NKAIN2: variants seen among roughly 807,000 people sequenced by gnomAD.
NKAIN2 encodes the protein sodium/potassium transporting ATPase interacting 2.
Under a neutral mutation model 32.6 loss-of-function variants are expected in NKAIN2, and 14 were observed. The ratio of observed to expected loss-of-function variants is 0.43; its 90% confidence interval spans 0.28 to 0.67. The LOEUF (loss-of-function observed/expected upper bound fraction) is 0.67, where lower values mean the gene tolerates loss of function less well. NKAIN2 is among the 30% of genes least tolerant of loss of function. The pLI, the probability that NKAIN2 is intolerant of heterozygous loss-of-function variation, is 0.17. For synonymous variants in NKAIN2, 80 were observed against 87.2 expected, an observed-to-expected ratio of 0.92 and a Z score of 0.46; for missense variants, 198 against 258.3, an observed-to-expected ratio of 0.77 and a Z score of 1.60.
Position 123,804,263 on chromosome 6 carries a change from C to T in NKAIN2, c.54+9C>T. On this transcript the variant is annotated intron_variant, in intron 1 of 6. Transcript: ENST00000368417. Reference sequence around the variant, plus strand: ...TCTGTGGCATGCAACTGGTAAGTGACACTTGGGTCCCCTTATTCTGTAATG... The same window carrying T: ...TCTGTGGCATGCAACTGGTAAGTGATACTTGGGTCCCCTTATTCTGTAATG... 6.2e-7 allele frequency: 1 copy of T among 1,610,436 alleles called. No homozygotes were observed. The highest frequency in any genetic ancestry group is 2.2e-5 in the East Asian group (1 of 44,830).
At chr6:124,327,260 T>A (rs1797454001) in intron 2 of NKAIN2, among the ~76,000 whole-genome samples, 1 of 152,146 alleles carries the variant, frequency 6.6e-6, no homozygotes, top group Admixed American at 6.5e-5. Flanking sequence ...CATAGCTACA[T>A]CTCAAGTGTG....
chr6:124,725,269 T>C (rs1432174188), intron 4 of NKAIN2, among the ~76,000 whole-genome samples: 1 of 152,104 alleles, frequency 6.6e-6, no homozygotes, highest in African/African-American at 2.4e-5. Context: ...AAATGGGGTC[T>C]CATTTGTCAC....
chr6:124,410,346 C>G (rs1774101291), intron 3 of NKAIN2, among the ~76,000 whole-genome samples: 3 of 152,278 alleles, frequency 2.0e-5, no homozygotes, highest in Admixed American at 2.0e-4. Flanking sequence ...TAAAATTTCC[C>G]TCTACACACT....
chr6:124,654,071 A>T (rs1784455895), intron 3 of NKAIN2, among the ~76,000 whole-genome samples: 1 of 152,180 alleles, frequency 6.6e-6, no homozygotes, highest in Non-Finnish European at 1.5e-5. Context: ...TAAAAATGTT[A>T]CTTCACACAT....
At chr6:124,799,394 C>T (rs778613511) in intron 5 of NKAIN2, among the ~76,000 whole-genome samples, 6 of 152,154 alleles carry the variant, frequency 3.9e-5, no homozygotes, top group Non-Finnish European at 8.8e-5. Flanking sequence ...GATTCTTCAA[C>T]ATTCACTTCT....
intron 4 of NKAIN2, among the ~76,000 whole-genome samples, chr6:124,770,146 C>T (rs143077160): frequency 2.6e-4 from 40 of 152,252 alleles, no homozygotes; most frequent in Non-Finnish European, 4.4e-4. Context: ...AAAACATTAA[C>T]AAACTAAACA....
At chr6:123,907,580 A>G (rs1022254648) in intron 1 of NKAIN2, among the ~76,000 whole-genome samples, 6 of 152,150 alleles carry the variant, frequency 3.9e-5, no homozygotes, top group Non-Finnish European at 5.9e-5. Context: ...TTACCCTGAA[A>G]CTAATATGAC....
intron 1 of NKAIN2, among the ~76,000 whole-genome samples, chr6:124,026,209 A>G (rs764722180): frequency 2.0e-4 from 31 of 152,192 alleles, no homozygotes; most frequent in Admixed American, 7.9e-4. Flanking sequence ...AAAACTTTTT[A>G]AAAATGAATT....
intron 1 of NKAIN2, among the ~76,000 whole-genome samples, chr6:124,093,571 G>A (rs957427811): frequency 2.6e-5 from 4 of 151,892 alleles, no homozygotes; most frequent in African/African-American, 9.7e-5. Context: ...AAATAGCAGG[G>A]GAATCTCACA....
chr6:124,819,239 C>T (rs979586704), intron 6 of NKAIN2: 3 of 296,020 alleles, frequency 1.0e-5, no homozygotes, highest in African/African-American at 6.8e-5. Context: ...TTGTCGTTGT[C>T]CTCCACCATT....
chr6:124,230,415 T>G (rs1792386115), intron 1 of NKAIN2, among the ~76,000 whole-genome samples: 1 of 152,138 alleles, frequency 6.6e-6, no homozygotes, highest in Non-Finnish European at 1.5e-5. Flanking sequence ...TCTGAGAAAT[T>G]CAAGCCAGCT....
At chr6:124,755,680 G>C (rs1777931742) in intron 4 of NKAIN2, among the ~76,000 whole-genome samples, 1 of 152,110 alleles carries the variant, frequency 6.6e-6, no homozygotes, top group Non-Finnish European at 1.5e-5. Flanking sequence ...TGGACACACA[G>C]AGGGGAACAA....
In NKAIN2 at chr6:124,759,853, C is replaced by G. The variant is rs372345565; in HGVS notation, c.475-31486C>G. Reference sequence around the variant, plus strand: ...AATAGTGCTTATCGGAGAAAACATTCACAAGCAGAGAAGTGGCAGAGTACA... The same window carrying G: ...AATAGTGCTTATCGGAGAAAACATTGACAAGCAGAGAAGTGGCAGAGTACA... On this transcript the variant is annotated intron_variant, in intron 4 of 6. Coordinates refer to ENST00000368417, the MANE Select transcript of NKAIN2 (RefSeq NM_001040214.3). Among the ~76,000 whole-genome samples the G allele has an allele frequency of 2.0e-5, 3 of 151,896 alleles. No homozygotes were observed. In the East Asian group the frequency reaches 5.9e-4, roughly 30 times the overall value.
At chr6:123,908,994 C>T (rs1775027298) in intron 1 of NKAIN2, among the ~76,000 whole-genome samples, 1 of 152,138 alleles carries the variant, frequency 6.6e-6, no homozygotes, top group African/African-American at 2.4e-5. Context: ...GAAACTATGT[C>T]AGAAATTCAG....
chr6:124,430,802 C>G (rs1232607485), intron 3 of NKAIN2, among the ~76,000 whole-genome samples: 1 of 152,106 alleles, frequency 6.6e-6, no homozygotes, highest in Non-Finnish European at 1.5e-5. Context: ...TATACTCCAC[C>G]TCTCAATGGG....
At chr6:124,168,040 A>G (rs1788657130) in intron 1 of NKAIN2, among the ~76,000 whole-genome samples, 1 of 152,196 alleles carries the variant, frequency 6.6e-6, no homozygotes, top group South Asian at 2.1e-4. Flanking sequence ...TTCTGCCTCA[A>G]TGCCACATTA....
chr6:124,589,240 C>T, intron 3 of NKAIN2, among the ~76,000 whole-genome samples: 1 of 152,144 alleles, frequency 6.6e-6, no homozygotes, highest in East Asian at 1.9e-4. Context: ...CACTGAAGCA[C>T]TAGGTTTTAT....
intron 2 of NKAIN2, among the ~76,000 whole-genome samples, chr6:124,339,819 G>A (rs374181368): frequency 2.6e-5 from 4 of 152,124 alleles, no homozygotes; most frequent in African/African-American, 4.8e-5. Flanking sequence ...ACTATTGTGC[G>A]TGTGGAAGGT....
intron 1 of NKAIN2, among the ~76,000 whole-genome samples, chr6:124,145,264 T>C (rs1336716633): frequency 6.6e-6 from 1 of 152,124 alleles, no homozygotes; most frequent in African/African-American, 2.4e-5. Flanking sequence ...CCAACAATTA[T>C]CCTCTTAGAC....
Sources: allele counts gnomAD v4.1 joint callset (sites outside exome capture counted in the v4.1 genomes callset), GRCh38; gene constraint gnomAD v4.1.1; transcripts MANE v1.5; gene names NCBI Gene and HGNC (gene_info 2026-07-23, HGNC 2026-07-21).